NCOA7: variants seen among roughly 807,000 people sequenced by gnomAD.
NCOA7 encodes nuclear receptor coactivator 7.
NCOA7 carries 45 observed loss-of-function variants against 104.3 expected under a neutral mutation model. The observed-to-expected ratio is 0.43, with a 90% confidence interval of 0.34 to 0.55. The LOEUF (loss-of-function observed/expected upper bound fraction) is 0.55, where lower values mean the gene tolerates loss of function less well. NCOA7 is among the 20% of genes least tolerant of loss of function. The probability of loss-of-function intolerance (pLI) is 0.02; values close to 1 mark genes in which losing one functional copy is unlikely to be tolerated. For synonymous variants in NCOA7, 398 were observed against 402.3 expected (o/e 0.99, Z 0.13); for missense variants, 1,041 against 1,119.7 (o/e 0.93, Z 1.00).
At chr6:125,898,149 T>C (rs894273994) in intron 10 of NCOA7, among the ~76,000 whole-genome samples, 3 of 152,238 alleles carry the variant, frequency 2.0e-5, no homozygotes, top group Admixed American at 1.3e-4. Flanking sequence ...CTATTCACTC[T>C]TGGTTCTGGA....
chr6:125,797,786 T>C (rs780083673), intron 1 of NCOA7: 13 of 152,250 alleles, frequency 8.5e-5, no homozygotes, highest in Non-Finnish European at 1.6e-4. Context: ...TCATCCCTAG[T>C]TTCCGGTGAT....
chr6:125,898,335 A>G (rs1785216586), intron 10 of NCOA7, among the ~76,000 whole-genome samples: 1 of 152,182 alleles, frequency 6.6e-6, no homozygotes, highest in South Asian at 2.1e-4. Flanking sequence ...TTGAGCACAT[A>G]TTTTTACAAA....
At chr6:125,912,831 C>G (rs1217252919) in intron 10 of NCOA7, among the ~76,000 whole-genome samples, 8 of 152,256 alleles carry the variant, frequency 5.3e-5, no homozygotes. Context: ...AATACATATT[C>G]ATATTTATAT....
chr6:125,915,240 C>G, intron 10 of NCOA7, 93 bp from the exon 11 acceptor site: 1 of 1,440,488 alleles, frequency 6.9e-7, no homozygotes, highest in Non-Finnish European at 9.4e-7. Flanking sequence ...ATTTGCCAAG[C>G]AGGGAAAAGA....
At chr6:125,881,002 AT>A (rs1783780247) in intron 5 of NCOA7, 87 bp from the exon 6 acceptor site, 3 of 873,144 alleles carry the variant, frequency 3.4e-6, no homozygotes, top group Non-Finnish European at 5.9e-6. Context: ...ACTGAACATG[AT>A]ACTGTGTAGA....
chr6:125,880,161 G>A (rs1335454803), intron 5 of NCOA7, among the ~76,000 whole-genome samples: 1 of 152,158 alleles, frequency 6.6e-6, no homozygotes, highest in African/African-American at 2.4e-5. Context: ...GTAGTTTTTA[G>A]TTACACATAA....
rs1583232077 is a variant in NCOA7, at chr6:125,798,659, T to C, written c.-65+7592T>C. Among the ~76,000 whole-genome samples, 6 of 152,198 alleles carry C rather than the reference T, an allele frequency of 3.9e-5. No individual in the cohort carries two copies. The South Asian group carries it at 1.2e-3, about 31-fold the overall frequency. On this transcript the variant is annotated intron_variant, in intron 1 of 15. Coordinates refer to ENST00000392477, the MANE Select transcript of NCOA7 (RefSeq NM_181782.5). Reference sequence around the variant, plus strand: ...CATAAACAGTATATACAAAAAATTCTAATTTGATTTTAAGATGCATTTGCA... The same window carrying C: ...CATAAACAGTATATACAAAAAATTCCAATTTGATTTTAAGATGCATTTGCA...
chr6:125,820,172 T>C (rs182350325), intron 2 of NCOA7, among the ~76,000 whole-genome samples: 1 of 152,286 alleles, frequency 6.6e-6, no homozygotes, highest in Admixed American at 6.5e-5. Context: ...ACCACCTCTG[T>C]CATCATTCTC....
At chr6:125,785,032 A>G (rs1428508019) in intron 1 of NCOA7, among the ~76,000 whole-genome samples, 1 of 152,050 alleles carries the variant, frequency 6.6e-6, no homozygotes, top group Non-Finnish European at 1.5e-5. Flanking sequence ...ACATGCATGA[A>G]TGTACATAAA....
chr6:125,909,791 CAG>C (rs1786358645), intron 10 of NCOA7, among the ~76,000 whole-genome samples: 2 of 151,890 alleles, frequency 1.3e-5, no homozygotes, highest in Admixed American at 1.3e-4. Flanking sequence ...GCCTGGGTGA[CAG>C]AGTGAGACCG....
chr6:125,924,490 T>G (rs931075704), intron 13 of NCOA7, among the ~76,000 whole-genome samples: 1 of 152,236 alleles, frequency 6.6e-6, no homozygotes, highest in African/African-American at 2.4e-5. Context: ...GAGAACATGA[T>G]AGAACAACAC....
intron 11 of NCOA7, among the ~76,000 whole-genome samples, chr6:125,920,299 G>A (rs1350806272): frequency 6.6e-6 from 1 of 152,180 alleles, no homozygotes; most frequent in East Asian, 1.9e-4. Context: ...TCTAACAGAA[G>A]TGGTTTCTAT....
intron 2 of NCOA7, among the ~76,000 whole-genome samples, chr6:125,835,238 C>T (rs1779514997): frequency 6.6e-6 from 1 of 152,152 alleles, no homozygotes; most frequent in Non-Finnish European, 1.5e-5. Flanking sequence ...GCTAAGTTTC[C>T]AAGTATCATC....
rs535035850 is a variant in NCOA7, at chr6:125,896,517, G to A, written c.2096+5707G>A. On this transcript the variant is annotated intron_variant, in intron 10 of 15. Coordinates refer to ENST00000392477, the MANE Select transcript of NCOA7 (RefSeq NM_181782.5). ...TAATAAATAGATTTTATGGCTGGGCGTGGTACGTCATGCCTGTAATCCCAG... is the reference window on the plus strand; with the variant it reads ...TAATAAATAGATTTTATGGCTGGGCATGGTACGTCATGCCTGTAATCCCAG... Among the ~76,000 whole-genome samples, 14 of 152,276 alleles carry A rather than the reference G, an allele frequency of 9.2e-5. No individual in the cohort carries two copies. In the East Asian group the frequency reaches 2.1e-3, roughly 23 times the overall value.
intron 2 of NCOA7, among the ~76,000 whole-genome samples, chr6:125,854,454 G>A (rs1781384176): frequency 6.6e-6 from 1 of 152,042 alleles, no homozygotes; most frequent in African/African-American, 2.4e-5. Flanking sequence ...TGTCATTATG[G>A]CATTTTCTAT....
chr6:125,859,216 T>C (rs1188291534), intron 3 of NCOA7, among the ~76,000 whole-genome samples: 2 of 151,266 alleles, frequency 1.3e-5, no homozygotes, highest in Non-Finnish European at 2.9e-5. Context: ...CATTTGATGG[T>C]CAGTGTAGTG....
chr6:125,807,019 G>T (rs1776529981), intron 1 of NCOA7, among the ~76,000 whole-genome samples: 1 of 152,180 alleles, frequency 6.6e-6, no homozygotes, highest in East Asian at 1.9e-4. Flanking sequence ...TATGTGCCCT[G>T]TCACTCTTGA....
intron 2 of NCOA7, among the ~76,000 whole-genome samples, chr6:125,845,254 G>A (rs932438799): frequency 2.0e-5 from 3 of 152,110 alleles, no homozygotes; most frequent in Admixed American, 6.6e-5. Flanking sequence ...GAGGGAGGCA[G>A]ACCAGCTCTA....
rs188643287 is a variant in NCOA7, at chr6:125,840,324, A to T, written c.51-14696A>T. Reference sequence around the variant, plus strand: ...AAGTTATTTAAAAACTGATAAAGTAAAAAAGTTATAGTAAGCTAAGGTAGT... The same window carrying T: ...AAGTTATTTAAAAACTGATAAAGTATAAAAGTTATAGTAAGCTAAGGTAGT... On this transcript the variant is annotated intron_variant, in intron 2 of 15. Coordinates refer to ENST00000392477, the MANE Select transcript of NCOA7 (RefSeq NM_181782.5). Among the ~76,000 whole-genome samples, 30 of 152,222 alleles carry T rather than the reference A, an allele frequency of 2.0e-4. 1 individual carries two copies. Among genetic ancestry groups the T allele is most frequent in the African/African-American group, 7.0e-4 (29 of 41,482 alleles).
Sources: gnomAD v4.1 joint callset for allele counts (sites outside exome capture counted in the v4.1 genomes callset) on GRCh38, gnomAD v4.1.1 for gene constraint, MANE v1.5 for transcripts, NCBI Gene and HGNC (gene_info 2026-07-23, HGNC 2026-07-21) for gene names.